The following RAD54L2 variants were observed in gnomAD, a reference collection of about 807,000 sequenced individuals.
RAD54L2 encodes helicase ARIP4.
A neutral mutation model predicts 138.4 loss-of-function variants in RAD54L2; 27 were observed. The observed-to-expected ratio is 0.20, with a 90% CI of 0.14 to 0.27. RAD54L2 has a LOEUF of 0.27. Among genes scored for constraint, RAD54L2 ranks in the 10% least tolerant of loss-of-function variants. The pLI, the probability that RAD54L2 is intolerant of heterozygous loss-of-function variation, is 1.00. For missense variants in RAD54L2, 1,396 were observed against 1,890.2 expected, an observed-to-expected ratio of 0.74 and a Z score of 4.85; for synonymous variants, 644 against 723.2, an observed-to-expected ratio of 0.89 and a Z score of 1.76.
chr3:51,569,718 CT>C (rs1361491642), intron 2 of RAD54L2, among the ~76,000 whole-genome samples: 2 of 151,938 alleles, frequency 1.3e-5, no homozygotes, highest in East Asian at 1.9e-4. Context: ...AGTCTTACTG[CT>C]TTTTTTCTTA....
At chr3:51,607,180 C>T (rs1700205228) in intron 3 of RAD54L2, among the ~76,000 whole-genome samples, 1 of 148,956 alleles carries the variant, frequency 6.7e-6, no homozygotes, top group African/African-American at 2.5e-5. Flanking sequence ...GGTCATAGGA[C>T]AATAGTGGAG....
chr3:51,594,155 C>T (rs1243388596), intron 3 of RAD54L2, among the ~76,000 whole-genome samples: 1 of 146,886 alleles, frequency 6.8e-6, no homozygotes, highest in Admixed American at 6.9e-5. Flanking sequence ...ACTGCAACCT[C>T]CACCTCCTGA....
chr3:51,591,607 T>C (rs1045614938), intron 3 of RAD54L2, among the ~76,000 whole-genome samples: 1 of 152,206 alleles, frequency 6.6e-6, no homozygotes, highest in Non-Finnish European at 1.5e-5. Context: ...CCATTCACTT[T>C]TATCCCTCCA....
intron 2 of RAD54L2, among the ~76,000 whole-genome samples, chr3:51,589,548 A>G (rs1364853363): frequency 6.6e-6 from 1 of 152,176 alleles, no homozygotes; most frequent in Non-Finnish European, 1.5e-5. Flanking sequence ...GCCAGAGAGT[A>G]TAGTTCCATA....
At chr3:51,548,627 G>A (rs951832504) in intron 2 of RAD54L2, among the ~76,000 whole-genome samples, 6 of 152,106 alleles carry the variant, frequency 3.9e-5, no homozygotes, top group Non-Finnish European at 8.8e-5. Context: ...AAGAAAAGCT[G>A]GGAATTGCTG....
Position 51,640,096 on chromosome 3 carries a change from G to C in RAD54L2, c.2231+97G>C. The C allele has an allele frequency of 3.5e-6, 3 of 847,056 alleles. No homozygotes were observed. In the South Asian group the frequency reaches 5.1e-5, roughly 14 times the overall value. 52.5% of individuals were successfully genotyped at this position (847,056 alleles called of 1,614,324 possible). The stretch of plus-strand genomic sequence containing the variant: ...CCAAGACCACCCCCGCCTCCCCCAA[G>C]TGCTATTGTGAGGACCTTCTTGCAT... On this transcript the variant is annotated intron_variant, in intron 14 of 22. Coordinates refer to ENST00000684192, the MANE Select transcript of RAD54L2 (RefSeq NM_015106.4).
chr3:51,601,310 C>CTTTTTTTTTTTTTTTTTTT (rs779030766), intron 3 of RAD54L2, among the ~76,000 whole-genome samples: 1 of 123,116 alleles, frequency 8.1e-6, no homozygotes, highest in African/African-American at 3.1e-5. Context: ...CTGCGCCCGG[C>CTTTTTTTTTTTTTTTTTTT]TTTTTTTTTT....
intron 3 of RAD54L2, among the ~76,000 whole-genome samples, chr3:51,599,469 A>G (rs1035995216): frequency 6.6e-6 from 1 of 152,122 alleles, no homozygotes; most frequent in Non-Finnish European, 1.5e-5. Flanking sequence ...CTTGATTTTT[A>G]TTAGTTTTAT....
At position 51,557,458 on chromosome 3, in the gene RAD54L2, G is replaced by C. The variant is rs111573107; in HGVS notation, c.-55+15808G>C. Among the ~76,000 whole-genome samples the C allele has an allele frequency of 6.2e-3, 938 of 151,780 alleles. 7 individuals are homozygous for C. Among genetic ancestry groups the C allele is most frequent in the African/African-American group, 0.021 (883 of 41,398 alleles). Reference sequence around the variant, plus strand: ...TCAGCCTCCCAAAGTGCTGGGATTAGAGGTGTGAGCCACTGCACCAGGCTG... The same window carrying C: ...TCAGCCTCCCAAAGTGCTGGGATTACAGGTGTGAGCCACTGCACCAGGCTG... On this transcript the variant is annotated intron_variant, in intron 2 of 22. Coordinates refer to ENST00000684192, the MANE Select transcript of RAD54L2 (RefSeq NM_015106.4).
At chr3:51,631,527 A>G (rs1176734587) in intron 7 of RAD54L2, among the ~76,000 whole-genome samples, 5 of 105,846 alleles carry the variant, frequency 4.7e-5, no homozygotes, top group African/African-American at 1.9e-4. Context: ...TTTTTTTTGT[A>G]GAGATGAGGT....
Position 51,641,649 on chromosome 3 carries a change from G to A in RAD54L2, c.2232-100G>A. 4.0e-6 allele frequency: 3 copies of A among 743,296 alleles called. No individual in the cohort carries two copies. In the South Asian group the frequency reaches 5.5e-5, roughly 14 times the overall value. The allele number at this position is 743,296 out of a possible 1,614,324, so 46.0% of individuals were successfully genotyped here. A position where few individuals can be genotyped will look rare whatever the true frequency, so the allele number is the denominator to read the frequency against. On this transcript the variant is annotated intron_variant, in intron 14 of 22. Coordinates refer to ENST00000684192, the MANE Select transcript of RAD54L2 (RefSeq NM_015106.4). ...ACCTCTTTTCAGTGGTAGGTTGTGG[G>A]AGCTCCCATTGTCAGAAAGTTGCAC...
intron 2 of RAD54L2, among the ~76,000 whole-genome samples, chr3:51,543,155 AT>A (rs1372917651): frequency 6.6e-6 from 1 of 151,462 alleles, no homozygotes; most frequent in Admixed American, 6.6e-5. Flanking sequence ...TTTCAGTTTT[AT>A]TTTTTCCCAA....
intron 15 of RAD54L2, 61 bp downstream of exon 15, chr3:51,641,928 C>A: frequency 1.7e-6 from 2 of 1,166,754 alleles, no homozygotes; most frequent in Middle Eastern, 1.9e-4. Flanking sequence ...GGTTTCCTTT[C>A]CTTCTCTCTC....
In RAD54L2 at chr3:51,607,951, G is replaced by T. The variant is rs1700236927; in HGVS notation, c.139+17392G>T. 2.1e-5 allele frequency among the ~76,000 whole-genome samples: 3 copies of T among 140,126 alleles called. No homozygotes were observed. In the South Asian group the frequency reaches 6.3e-4, roughly 30 times the overall value. The allele number at this position is 140,126 out of a possible 152,430, so 91.9% of individuals were successfully genotyped here. A position where few individuals can be genotyped will look rare whatever the true frequency, so the allele number is the denominator to read the frequency against. ...GGGCTGCCCCCCTCCTCCCGGACGG[G>T]GTGGCTGGCCGGGTGGGGGCTGCCC... On this transcript the variant is annotated intron_variant, in intron 3 of 22. Transcript: ENST00000684192.
At chr3:51,572,857 C>G (rs1464916068) in intron 2 of RAD54L2, among the ~76,000 whole-genome samples, 2 of 151,760 alleles carry the variant, frequency 1.3e-5, no homozygotes, top group Non-Finnish European at 2.9e-5. Flanking sequence ...CCAGGCCGGT[C>G]TCGAATTCCT....
At position 51,663,726 on chromosome 3, in the gene RAD54L2, C is replaced by T. The variant is rs373839999; in HGVS notation, c.*306C>T. On this transcript the variant is annotated 3_prime_UTR_variant, in exon 23 of 23. Coordinates refer to ENST00000684192, the MANE Select transcript of RAD54L2 (RefSeq NM_015106.4). ...TGCTTATGCTGTCTGCTTGCTTGCT[C>T]GCCCATCTGAGTGTAGAAGCGCACA... 3.1e-6 allele frequency: 1 copy of T among 324,462 alleles called. No individual in the cohort carries two copies. The highest frequency in any genetic ancestry group is 4.5e-5 in the Admixed American group (1 of 22,008). The allele number at this position is 324,462 out of a possible 1,614,324, so 20.1% of individuals were successfully genotyped here.
intron 2 of RAD54L2, among the ~76,000 whole-genome samples, chr3:51,572,065 C>G (rs950693350): frequency 1.3e-5 from 2 of 152,146 alleles, no homozygotes; most frequent in African/African-American, 4.8e-5. Flanking sequence ...TCACTGTTTT[C>G]TTCGGTATTT....
At chr3:51,603,606 A>AAAAT (rs945113395) in intron 3 of RAD54L2, among the ~76,000 whole-genome samples, 35 of 152,170 alleles carry the variant, frequency 2.3e-4, no homozygotes, top group African/African-American at 5.1e-4. Context: ...ACTCTGCCTC[A>AAAAT]AAATAAATAA....
chr3:51,568,756 A>G (rs1699270979), intron 2 of RAD54L2, among the ~76,000 whole-genome samples: 2 of 152,132 alleles, frequency 1.3e-5, no homozygotes, highest in South Asian at 4.1e-4. Context: ...TCAGGGCAGG[A>G]TGTGTAATTA....
Sources: gnomAD v4.1 joint callset for allele counts (sites outside exome capture counted in the v4.1 genomes callset) on GRCh38, gnomAD v4.1.1 for gene constraint, MANE v1.5 for transcripts, NCBI Gene and HGNC (gene_info 2026-07-23, HGNC 2026-07-21) for gene names.